The following TRPC4 variants were observed in gnomAD, a reference collection of about 807,000 sequenced individuals.
TRPC4 encodes the protein short transient receptor potential channel 4.
Under a neutral mutation model 99.4 loss-of-function variants are expected in TRPC4, and 49 were observed. The observed-to-expected ratio is 0.49, with a 90% CI of 0.39 to 0.63. The LOEUF is 0.63. Among genes scored for constraint, TRPC4 ranks in the 20% least tolerant of loss-of-function variants. The pLI, the probability that TRPC4 is intolerant of heterozygous loss-of-function variation, is 0.00. For missense variants in TRPC4, 898 were observed against 1,152.9 expected, an observed-to-expected ratio of 0.78 and a Z score of 3.20; for synonymous variants, 454 against 425.9, an observed-to-expected ratio of 1.07 and a Z score of -0.81.
intron 8 of TRPC4, among the ~76,000 whole-genome samples, chr13:37,650,832 A>C (rs1199816102): frequency 6.6e-6 from 1 of 152,180 alleles, no homozygotes; most frequent in Non-Finnish European, 1.5e-5. Context: ...TTTGTTAGGC[A>C]TGAAGAATTT....
At chr13:37,788,385 A>G (rs767516988) in intron 1 of TRPC4, among the ~76,000 whole-genome samples, 2 of 152,042 alleles carry the variant, frequency 1.3e-5, no homozygotes, top group African/African-American at 4.8e-5. Context: ...CTCATCTTCC[A>G]TTTACTCATT....
At chr13:37,729,143 A>T (rs1448029994) in intron 3 of TRPC4, among the ~76,000 whole-genome samples, 1 of 152,152 alleles carries the variant, frequency 6.6e-6, no homozygotes, top group African/African-American at 2.4e-5. Flanking sequence ...CCAAACACAC[A>T]GGTGAAAAAA....
At chr13:37,864,706 T>C (rs1538148) in intron 1 of TRPC4, among the ~76,000 whole-genome samples, 61,966 of 151,356 alleles carry the variant, frequency 0.41, 14,037 homozygotes, top group Admixed American at 0.55. Context: ...AGACAGAATA[T>C]AACAAGCTCT....
intron 1 of TRPC4, among the ~76,000 whole-genome samples, chr13:37,814,044 T>TAATACAACAAATCAATAC (rs1238471596): frequency 5.9e-5 from 9 of 151,664 alleles, no homozygotes; most frequent in African/African-American, 2.2e-4. Flanking sequence ...AAAACCAATA[T>TAATACAACAAATCAATAC]AATACAACAA....
At chr13:37,655,367 A>T (rs1254767942) in intron 6 of TRPC4, 84 bp from the exon 7 acceptor site, 3 of 300,446 alleles carry the variant, frequency 1.0e-5, no homozygotes, top group Admixed American at 6.2e-5. Flanking sequence ...TGGCATGATT[A>T]TATATATATA....
rs1956542674 is a variant in TRPC4, at chr13:37,771,227, A to G, written c.378+11729T>C. Among the ~76,000 whole-genome samples, 3 of 151,856 alleles carry G rather than the reference A, an allele frequency of 2.0e-5. No homozygotes were observed. The South Asian group carries it at 6.2e-4, about 31-fold the overall frequency. On this transcript the variant is annotated intron_variant, in intron 2 of 10. Transcript: ENST00000379705. ...GTTTTAACAAGATTTTGATCACAGT[A>G]GGCAACCAAGGAAATTTTAAAGTTA...
chr13:37,694,983 T>A (rs1016786100), intron 3 of TRPC4, among the ~76,000 whole-genome samples: 9 of 152,190 alleles, frequency 5.9e-5, no homozygotes, highest in African/African-American at 2.2e-4. Context: ...CTAAATTGTA[T>A]CCCAGTAATT....
chr13:37,754,840 C>A (rs543326366), intron 2 of TRPC4, among the ~76,000 whole-genome samples: 3 of 152,074 alleles, frequency 2.0e-5, no homozygotes, highest in African/African-American at 7.2e-5. Flanking sequence ...TTGACATATA[C>A]AAGCAACCAT....
At chr13:37,738,605 G>A (rs1238919276) in intron 3 of TRPC4, among the ~76,000 whole-genome samples, 1 of 152,124 alleles carries the variant, frequency 6.6e-6, no homozygotes, top group African/African-American at 2.4e-5. Flanking sequence ...ATGCAGCAAT[G>A]TAGTGTTTAC....
intron 2 of TRPC4, among the ~76,000 whole-genome samples, chr13:37,758,042 C>T (rs147186039): frequency 1.3e-5 from 2 of 151,744 alleles, no homozygotes; most frequent in African/African-American, 2.4e-5. Flanking sequence ...GGGTAATTGG[C>T]GTATTCACGT....
rs575292899 is a variant in TRPC4 at position 37,823,952 on chromosome 13, C to G, written c.-27-40592G>C. Reference sequence around the variant, plus strand: ...TTGTATCCTCTTTTATTTCATTGAGCAGTGGTTTGTAGTTCTCCTTGAAGA... The same window carrying G: ...TTGTATCCTCTTTTATTTCATTGAGGAGTGGTTTGTAGTTCTCCTTGAAGA... On this transcript the variant is annotated intron_variant, in intron 1 of 10. Transcript: ENST00000379705. 2.6e-3 allele frequency among the ~76,000 whole-genome samples: 382 copies of G among 145,950 alleles called. 4 individuals are homozygous for G. Among genetic ancestry groups the G allele is most frequent in the Non-Finnish European group, 2.7e-3 (180 of 66,704 alleles).
At chr13:37,827,860 C>T (rs1194211980) in intron 1 of TRPC4, among the ~76,000 whole-genome samples, 3 of 152,224 alleles carry the variant, frequency 2.0e-5, no homozygotes, top group Non-Finnish European at 2.9e-5. Context: ...GGCGGGTGCC[C>T]CTCCCCTAGC....
chr13:37,861,269 TA>T (rs551218746), intron 1 of TRPC4, among the ~76,000 whole-genome samples: 109 of 151,662 alleles, frequency 7.2e-4, no homozygotes, highest in Non-Finnish European at 1.3e-3. Flanking sequence ...TTTACATTTT[TA>T]AAAAAATCAG....
At position 37,774,481 on chromosome 13, in the gene TRPC4, C is replaced by A. The variant is rs1222379951; in HGVS notation, c.378+8475G>T. Among the ~76,000 whole-genome samples, 4 of 151,744 alleles carry A rather than the reference C, an allele frequency of 2.6e-5. No individual in the cohort carries two copies. The East Asian group carries it at 7.8e-4, about 30-fold the overall frequency. Reference sequence around the variant, plus strand: ...TTTTTAGGTGCTTGAAGAACTCATTCTTGAAAAGAACATTTATTTATTTAT... The same window carrying A: ...TTTTTAGGTGCTTGAAGAACTCATTATTGAAAAGAACATTTATTTATTTAT... On this transcript the variant is annotated intron_variant, in intron 2 of 10. Coordinates refer to ENST00000379705, the MANE Select transcript of TRPC4 (RefSeq NM_016179.4).
chr13:37,835,072 A>G (rs1162074462), intron 1 of TRPC4, among the ~76,000 whole-genome samples: 1 of 151,280 alleles, frequency 6.6e-6, no homozygotes, highest in African/African-American at 2.4e-5. Context: ...TAAATCCTGC[A>G]TATTGTCGAT....
intron 2 of TRPC4, among the ~76,000 whole-genome samples, chr13:37,765,867 T>G (rs1240726118): frequency 6.6e-6 from 1 of 151,476 alleles, no homozygotes; most frequent in Non-Finnish European, 1.5e-5. Flanking sequence ...TCTAGATATA[T>G]TTGATGTTTT....
At chr13:37,791,326 G>A (rs752100503) in intron 1 of TRPC4, among the ~76,000 whole-genome samples, 60 of 149,454 alleles carry the variant, frequency 4.0e-4, no homozygotes, top group Admixed American at 1.1e-3. Flanking sequence ...AACCTGGGAG[G>A]TGGAGGTTGC....
intron 2 of TRPC4, among the ~76,000 whole-genome samples, chr13:37,762,878 T>A (rs1486134349): frequency 2.0e-5 from 3 of 150,736 alleles, no homozygotes; most frequent in African/African-American, 7.3e-5. Context: ...AATAATAAAA[T>A]AAAATAAAAA....
intron 3 of TRPC4, among the ~76,000 whole-genome samples, chr13:37,712,093 A>G (rs1344903721): frequency 6.6e-6 from 1 of 151,984 alleles, no homozygotes; most frequent in African/African-American, 2.4e-5. Flanking sequence ...ATATTGGAAA[A>G]GGCAGTCCAA....
Sources: allele counts gnomAD v4.1 joint callset (sites outside exome capture counted in the v4.1 genomes callset), GRCh38; gene constraint gnomAD v4.1.1; transcripts MANE v1.5; gene names NCBI Gene and HGNC (gene_info 2026-07-23, HGNC 2026-07-21).